RBFOX1: variants seen among roughly 807,000 people sequenced by gnomAD.
RBFOX1 encodes RNA binding protein fox-1 homolog 1.
RBFOX1 carries 8 observed loss-of-function variants against 57.7 expected under a neutral mutation model. The observed-to-expected ratio is 0.14, with a 90% CI of 0.08 to 0.25. RBFOX1 has a LOEUF of 0.25. Among genes scored for constraint, RBFOX1 ranks in the 10% least tolerant of loss-of-function variants. The pLI is 1.00. For synonymous variants in RBFOX1, 326 were observed against 222.4 expected (o/e 1.47, Z -4.15); for missense variants, 611 against 548.5 (o/e 1.11, Z -1.14).
intron 3 of RBFOX1, among the ~76,000 whole-genome samples, chr16:6,825,110 C>A (rs1043893358): frequency 4.1e-5 from 6 of 147,426 alleles, no homozygotes; most frequent in Admixed American, 7.0e-5. Context: ...AATTCTCCTG[C>A]CTCAGCCTCC....
chr16:5,899,028 C>G (rs2058238829), intron 4 of RBFOX1, among the ~76,000 whole-genome samples: 3 of 151,352 alleles, frequency 2.0e-5, no homozygotes, highest in Admixed American at 2.0e-4. Flanking sequence ...TGCAGTGAGC[C>G]TCACTGCTTT....
rs868301921 is a variant in RBFOX1, at chr16:6,821,794, C to T, written c.-16+167144C>T. Among the ~76,000 whole-genome samples the T allele has an allele frequency of 4.6e-5, 7 of 152,110 alleles. No homozygotes were observed. The South Asian group carries it at 1.0e-3, about 23-fold the overall frequency. On this transcript the variant is annotated intron_variant, in intron 3 of 15. Transcript: ENST00000550418. ...TCATTGATAGACATTTGGGTTGTTT[C>T]CATTTTCTAGCTGTTGTGAATGATG...
intron 5 of RBFOX1, among the ~76,000 whole-genome samples, chr16:7,550,120 G>A (rs1257244802): frequency 6.6e-6 from 1 of 152,022 alleles, no homozygotes; most frequent in East Asian, 1.9e-4. Context: ...TATAGAGATG[G>A]AGGTCTTTCT....
At chr16:6,163,388 A>G (rs1204282424) in intron 1 of RBFOX1, among the ~76,000 whole-genome samples, 1 of 152,216 alleles carries the variant, frequency 6.6e-6, no homozygotes, top group African/African-American at 2.4e-5. Context: ...CATTTTGCAC[A>G]AAGGAATCCT....
At chr16:6,088,436 A>G (rs531247299) in intron 1 of RBFOX1, among the ~76,000 whole-genome samples, 1 of 152,268 alleles carries the variant, frequency 6.6e-6, no homozygotes, top group African/African-American at 2.4e-5. Context: ...TTTTCCAAAG[A>G]TGAATAAACA....
intron 4 of RBFOX1, among the ~76,000 whole-genome samples, chr16:5,966,367 T>G (rs2059843421): frequency 6.6e-6 from 1 of 152,206 alleles, no homozygotes; most frequent in Non-Finnish European, 1.5e-5. Flanking sequence ...ATGGGGCTTT[T>G]GCTCATGGCA....
chr16:7,053,220 G>C (rs140471586), intron 4 of RBFOX1, among the ~76,000 whole-genome samples: 2 of 152,256 alleles, frequency 1.3e-5, no homozygotes, highest in East Asian at 3.9e-4. Flanking sequence ...GCATGAAACC[G>C]AGAAAGTGAG....
At chr16:6,341,056 C>T (rs150439536) in intron 2 of RBFOX1, among the ~76,000 whole-genome samples, 5 of 152,208 alleles carry the variant, frequency 3.3e-5, no homozygotes, top group African/African-American at 9.6e-5. Flanking sequence ...TGTAAGCTTT[C>T]CACTGATGCT....
chr16:7,180,079 G>C (rs1333498081), intron 4 of RBFOX1, among the ~76,000 whole-genome samples: 1 of 152,062 alleles, frequency 6.6e-6, no homozygotes, highest in Non-Finnish European at 1.5e-5. Context: ...GCTTTTCTCA[G>C]AGAAAATATT....
chr16:6,240,429 T>A (rs534553216), intron 1 of RBFOX1, among the ~76,000 whole-genome samples: 1 of 152,158 alleles, frequency 6.6e-6, no homozygotes, highest in East Asian at 1.9e-4. Context: ...AAGCTCCAGA[T>A]TAGTTGATGC....
intron 3 of RBFOX1, among the ~76,000 whole-genome samples, chr16:5,640,129 G>A (rs2048810930): frequency 6.6e-6 from 1 of 152,108 alleles, no homozygotes; most frequent in African/African-American, 2.4e-5. Flanking sequence ...GGGTAGAAGT[G>A]GCCGCTTACC....
intron 2 of RBFOX1, among the ~76,000 whole-genome samples, chr16:6,534,205 A>G (rs970577332): frequency 3.3e-5 from 5 of 152,168 alleles, no homozygotes; most frequent in African/African-American, 1.2e-4. Context: ...ACTCAATGAA[A>G]TGCTATCCAG....
At chr16:6,696,811 G>A (rs1478776505) in intron 3 of RBFOX1, among the ~76,000 whole-genome samples, 1 of 152,114 alleles carries the variant, frequency 6.6e-6, no homozygotes, top group Non-Finnish European at 1.5e-5. Context: ...GTGAGAAGTA[G>A]AATAACATTT....
intron 3 of RBFOX1, among the ~76,000 whole-genome samples, chr16:6,895,872 GTACTCATCCTCTTA>G (rs1303265803): frequency 6.6e-6 from 1 of 151,948 alleles, no homozygotes; most frequent in Non-Finnish European, 1.5e-5. Flanking sequence ...GATCATCATA[GTACTCATCCTCTTA>G]TGTCATCTTT....
chr16:5,440,926 C>G (rs1257699317), intron 1 of RBFOX1, among the ~76,000 whole-genome samples: 1 of 152,154 alleles, frequency 6.6e-6, no homozygotes, highest in Non-Finnish European at 1.5e-5. Context: ...CTGGTTAGAA[C>G]TATGTTTTCC....
intron 4 of RBFOX1, among the ~76,000 whole-genome samples, chr16:7,158,102 A>G (rs903996263): frequency 6.6e-6 from 1 of 152,138 alleles, no homozygotes; most frequent in Non-Finnish European, 1.5e-5. Flanking sequence ...TAATTCCAGC[A>G]TTTTGGGAGG....
chr16:6,957,482 C>G (rs1455450365), intron 3 of RBFOX1, among the ~76,000 whole-genome samples: 1 of 152,132 alleles, frequency 6.6e-6, no homozygotes, highest in African/African-American at 2.4e-5. Context: ...AGGGTAACTT[C>G]CTGACGTTGC....
At chr16:5,778,137 G>T (rs1039927980) in intron 3 of RBFOX1, among the ~76,000 whole-genome samples, 6 of 152,094 alleles carry the variant, frequency 3.9e-5, no homozygotes, top group South Asian at 2.1e-4. Flanking sequence ...TGAGATAAAA[G>T]AGGAGAAGTG....
intron 4 of RBFOX1, among the ~76,000 whole-genome samples, chr16:5,941,015 C>T (rs965441478): frequency 2.0e-5 from 3 of 152,160 alleles, no homozygotes; most frequent in African/African-American, 7.2e-5. Flanking sequence ...GAATAACATA[C>T]TTATCTACTG....
Sources: allele counts gnomAD v4.1 joint callset (sites outside exome capture counted in the v4.1 genomes callset), GRCh38; gene constraint gnomAD v4.1.1; transcripts MANE v1.5; gene names NCBI Gene and HGNC (gene_info 2026-07-23, HGNC 2026-07-21).